FHIT: variants seen among roughly 807,000 people sequenced by gnomAD.
FHIT encodes bis(5'-adenosyl)-triphosphatase.
Under a neutral mutation model 17.9 loss-of-function variants are expected in FHIT, and 19 were observed. The observed-to-expected ratio is 1.06, with a 90% confidence interval of 0.74 to 1.56. The LOEUF is 1.56. Among genes scored for constraint, FHIT ranks in the 40% most tolerant of loss-of-function variants. The pLI, the probability that FHIT is intolerant of heterozygous loss-of-function variation, is 0.00. For synonymous variants in FHIT, 81 were observed against 69.7 expected, an observed-to-expected ratio of 1.16 and a Z score of -0.81; for missense variants, 248 against 189.2, an observed-to-expected ratio of 1.31 and a Z score of -1.82.
chr3:60,573,865 A>G (rs2037473251), intron 4 of FHIT, among the ~76,000 whole-genome samples: 1 of 151,656 alleles, frequency 6.6e-6, no homozygotes, highest in Non-Finnish European at 1.5e-5. Flanking sequence ...GCTGGGGCGC[A>G]GTGACGTGAT....
chr3:61,042,249 G>C (rs1219892585), intron 2 of FHIT, 150 bp from the exon 3 acceptor site: 2 of 152,192 alleles, frequency 1.3e-5, no homozygotes, highest in African/African-American at 4.8e-5. Context: ...AGTCTATAAT[G>C]CTAAAGCAGC....
At chr3:60,495,627 C>G (rs1365215455) in intron 5 of FHIT, among the ~76,000 whole-genome samples, 1 of 151,826 alleles carries the variant, frequency 6.6e-6, no homozygotes, top group Non-Finnish European at 1.5e-5. Flanking sequence ...TGGGGATATC[C>G]AACAGCATCA....
In FHIT at chr3:59,950,602, C is replaced by A. The variant is rs568654425; in HGVS notation, c.280-28188G>T. Among the ~76,000 whole-genome samples the A allele has an allele frequency of 5.9e-5, 9 of 152,144 alleles. No individual in the cohort carries two copies. The South Asian group carries it at 6.2e-4, about 11-fold the overall frequency. ...TTTTCTGCTTTTCCTACTATTCTCT[C>A]CTGCTTTTCCTACTACTCTCCACCA... On this transcript the variant is annotated intron_variant, in intron 7 of 9. Transcript: ENST00000492590.
At chr3:61,194,048 G>T (rs1429668248) in intron 2 of FHIT, among the ~76,000 whole-genome samples, 1 of 151,014 alleles carries the variant, frequency 6.6e-6, no homozygotes, top group Non-Finnish European at 1.5e-5. Context: ...ATTGGCGGTG[G>T]TGGGGGTGGT....
intron 5 of FHIT, among the ~76,000 whole-genome samples, chr3:60,476,395 C>T (rs1464510401): frequency 6.6e-6 from 1 of 152,076 alleles, no homozygotes; most frequent in Non-Finnish European, 1.5e-5. Flanking sequence ...AAAACCAAAT[C>T]CAGACATAAG....
At chr3:61,069,127 A>C (rs554463925) in intron 2 of FHIT, among the ~76,000 whole-genome samples, 4 of 152,282 alleles carry the variant, frequency 2.6e-5, no homozygotes, top group African/African-American at 9.6e-5. Context: ...AAGGCCTTTA[A>C]AATACGAATG....
intron 5 of FHIT, among the ~76,000 whole-genome samples, chr3:60,208,680 G>T (rs1056409060): frequency 6.6e-6 from 1 of 152,118 alleles, no homozygotes; most frequent in Non-Finnish European, 1.5e-5. Context: ...ACAAAAGCTT[G>T]GTTTCTCAAT....
intron 2 of FHIT, among the ~76,000 whole-genome samples, chr3:61,052,542 T>C (rs1057465437): frequency 1.3e-5 from 2 of 152,322 alleles, no homozygotes; most frequent in Admixed American, 1.3e-4. Context: ...CGCAGATCAA[T>C]ACTTTTACAA....
At chr3:59,915,223 T>C (rs1402258680) in intron 8 of FHIT, among the ~76,000 whole-genome samples, 2 of 152,122 alleles carry the variant, frequency 1.3e-5, no homozygotes, top group Non-Finnish European at 2.9e-5. Context: ...GAATTCACTG[T>C]GGAGGGCAGA....
At chr3:60,225,496 T>A (rs1704155623) in intron 5 of FHIT, among the ~76,000 whole-genome samples, 1 of 152,040 alleles carries the variant, frequency 6.6e-6, no homozygotes, top group African/African-American at 2.4e-5. Context: ...TGTCTGGGTA[T>A]TAGGGATGGG....
intron 7 of FHIT, among the ~76,000 whole-genome samples, chr3:59,976,363 T>C (rs1328650340): frequency 6.6e-6 from 1 of 151,996 alleles, no homozygotes; most frequent in Non-Finnish European, 1.5e-5. Flanking sequence ...ATTCTTAATG[T>C]CTTGGGCAAA....
At chr3:60,265,746 A>C (rs1706541984) in intron 5 of FHIT, among the ~76,000 whole-genome samples, 4 of 151,950 alleles carry the variant, frequency 2.6e-5, no homozygotes, top group African/African-American at 9.7e-5. Context: ...AGATGATTCA[A>C]ATTTTTTAAA....
At chr3:60,764,470 G>T (rs2108060934) in intron 4 of FHIT, among the ~76,000 whole-genome samples, 1 of 152,250 alleles carries the variant, frequency 6.6e-6, no homozygotes, top group East Asian at 1.9e-4. Context: ...GGACTGCAGG[G>T]TAAAAGCTCA....
intron 8 of FHIT, among the ~76,000 whole-genome samples, chr3:59,906,486 C>G (rs1221096189): frequency 1.3e-5 from 2 of 152,148 alleles, no homozygotes; most frequent in Non-Finnish European, 2.9e-5. Flanking sequence ...ATGTAGACCC[C>G]TAAAAATTAA....
At chr3:60,080,138 A>T (rs1343936352) in intron 5 of FHIT, among the ~76,000 whole-genome samples, 1 of 152,178 alleles carries the variant, frequency 6.6e-6, no homozygotes. Flanking sequence ...CCAAAAGAAA[A>T]ATAATGAAGG....
intron 5 of FHIT, among the ~76,000 whole-genome samples, chr3:60,186,709 T>C (rs1017144477): frequency 1.3e-5 from 2 of 152,090 alleles, no homozygotes; most frequent in African/African-American, 4.8e-5. Flanking sequence ...CAGTGTTAGA[T>C]TGATAAAGCT....
rs557096121 is a variant in FHIT, at chr3:60,160,702, T to A, written c.104-146550A>T. Among the ~76,000 whole-genome samples the A allele has an allele frequency of 2.0e-4, 30 of 152,272 alleles. 2 individuals are homozygous for A. Among genetic ancestry groups the A allele is most frequent in the Admixed American group, 7.2e-4 (11 of 15,298 alleles). The stretch of plus-strand genomic sequence containing the variant: ...CCAGCTGTTGTAATGTCAAGCAGCT[T>A]AGCTAAACTGTTTTTTATCAAATGA... On this transcript the variant is annotated intron_variant, in intron 5 of 9. Coordinates refer to ENST00000492590, the MANE Select transcript of FHIT (RefSeq NM_002012.4).
intron 8 of FHIT, among the ~76,000 whole-genome samples, chr3:59,797,247 C>G (rs1156258194): frequency 1.3e-5 from 2 of 150,856 alleles, no homozygotes; most frequent in East Asian, 3.9e-4. Context: ...AGTGCAGTGG[C>G]ACAATCTCTA....
At chr3:60,759,036 G>C (rs1699545305) in intron 4 of FHIT, among the ~76,000 whole-genome samples, 1 of 152,086 alleles carries the variant, frequency 6.6e-6, no homozygotes, top group African/African-American at 2.4e-5. Context: ...GACGAGGTGT[G>C]GGTGGCACTT....
Sources: gnomAD v4.1 joint callset for allele counts (sites outside exome capture counted in the v4.1 genomes callset) on GRCh38, gnomAD v4.1.1 for gene constraint, MANE v1.5 for transcripts, NCBI Gene and HGNC (gene_info 2026-07-23, HGNC 2026-07-21) for gene names.